The following TMEM161B variants were observed in gnomAD, a reference collection of about 807,000 sequenced individuals.
The protein encoded by TMEM161B is transmembrane protein 161B.
Under a neutral mutation model 61.8 loss-of-function variants are expected in TMEM161B, and 34 were observed. The observed-to-expected ratio is 0.55, with a 90% CI of 0.42 to 0.73. TMEM161B has a LOEUF of 0.73. Ranked by LOEUF, TMEM161B falls within the 30% of genes least tolerant of loss-of-function variation. The pLI is 0.00. For synonymous variants in TMEM161B, 167 were observed against 192.8 expected (o/e 0.87, Z 1.11); for missense variants, 456 against 558.5 (o/e 0.82, Z 1.85).
At chr5:88,215,276 C>A (rs1021814681) in intron 5 of TMEM161B, among the ~76,000 whole-genome samples, 4 of 152,112 alleles carry the variant, frequency 2.6e-5, no homozygotes, top group African/African-American at 9.7e-5. Context: ...TAAGTAGGCA[C>A]ATACAATAAG....
intron 1 of TMEM161B, among the ~76,000 whole-genome samples, chr5:88,245,031 C>A (rs1344710149): frequency 6.6e-6 from 1 of 151,702 alleles, no homozygotes; most frequent in Non-Finnish European, 1.5e-5. Context: ...GATTAAGGAG[C>A]TTTTGGGCAC....
At chr5:88,236,476 T>C (rs1002114348) in intron 2 of TMEM161B, among the ~76,000 whole-genome samples, 6 of 152,194 alleles carry the variant, frequency 3.9e-5, no homozygotes, top group African/African-American at 1.4e-4. Flanking sequence ...GGAACTTTTA[T>C]TACAATACAA....
chr5:88,235,437 G>A (rs1011530255), intron 2 of TMEM161B, among the ~76,000 whole-genome samples: 1 of 152,154 alleles, frequency 6.6e-6, no homozygotes, highest in Non-Finnish European at 1.5e-5. Context: ...CTAATCCCCA[G>A]TGTGATGGTA....
intron 10 of TMEM161B, chr5:88,198,401 T>TG (rs1413692377): frequency 6.6e-6 from 1 of 152,022 alleles, no homozygotes; most frequent in African/African-American, 2.4e-5. Flanking sequence ...AAGACAAGCC[T>TG]GGGCTACACA....
At chr5:88,225,554 A>G (rs1368677106) in intron 4 of TMEM161B, among the ~76,000 whole-genome samples, 1 of 152,220 alleles carries the variant, frequency 6.6e-6, no homozygotes, top group African/African-American at 2.4e-5. Flanking sequence ...TGTGTAATAA[A>G]TTTGTGTAAG....
rs578042663 is a variant in TMEM161B, at chr5:88,203,578, C to T, written c.801-503G>A. The stretch of plus-strand genomic sequence containing the variant: ...ATAGTGATTAGCCAGGTCCATATTA[C>T]TAGAAGGCATATGGCAGACGGAACC... On this transcript the variant is annotated intron_variant, in intron 8 of 11. Transcript: ENST00000296595. 4.5e-4 allele frequency among the ~76,000 whole-genome samples: 69 copies of T among 151,740 alleles called. 1 individual carries two copies. In the South Asian group the frequency reaches 9.4e-3, roughly 21 times the overall value.
At chr5:88,218,598 G>A (rs1175266852) in intron 5 of TMEM161B, among the ~76,000 whole-genome samples, 1 of 152,156 alleles carries the variant, frequency 6.6e-6, no homozygotes, top group Non-Finnish European at 1.5e-5. Context: ...GCCTGGGCAA[G>A]CTGGGGAGAC....
intron 1 of TMEM161B, among the ~76,000 whole-genome samples, chr5:88,265,220 C>G (rs890292985): frequency 6.6e-6 from 1 of 152,154 alleles, no homozygotes; most frequent in African/African-American, 2.4e-5. Context: ...AGCTTGAAAA[C>G]TAGTATATTA....
chr5:88,234,607 C>A (rs971320216), intron 2 of TMEM161B, among the ~76,000 whole-genome samples: 2 of 152,128 alleles, frequency 1.3e-5, no homozygotes, highest in Non-Finnish European at 2.9e-5. Context: ...AATAAAATGA[C>A]GGCCTGCTTG....
chr5:88,185,881 T>C (rs1468931098), downstream of TMEM161B, among the ~76,000 whole-genome samples: 2 of 152,204 alleles, frequency 1.3e-5, no homozygotes, highest in Non-Finnish European at 2.9e-5. Context: ...AATGTTTGTA[T>C]TGCTTTACAA....
chr5:88,216,268 A>G lies in TMEM161B; in HGVS notation c.446+4295T>C, dbSNP rs145242235. ...CTCTGGGGAAAAAAAAGAAAAGGCA[A>G]TATTTTGGAGAACATGATAACTCAC... On this transcript the variant is annotated intron_variant, in intron 5 of 11. Transcript: ENST00000296595. Among the ~76,000 whole-genome samples, 87 of 152,296 alleles carry G rather than the reference A, an allele frequency of 5.7e-4. No individual in the cohort carries two copies. In the East Asian group the frequency reaches 0.014, roughly 25 times the overall value.
At chr5:88,191,840 C>T (rs1345199574), downstream of TMEM161B, among the ~76,000 whole-genome samples, 1 of 149,192 alleles carries the variant, frequency 6.7e-6, no homozygotes, top group African/African-American at 2.5e-5. Flanking sequence ...GCCTGTAGTC[C>T]CAGTTACTCA....
chr5:88,213,849 C>T (rs1203007541), intron 5 of TMEM161B, among the ~76,000 whole-genome samples: 24 of 152,240 alleles, frequency 1.6e-4, no homozygotes. Context: ...AAACAAGTAC[C>T]TTGGCTCAGA....
At chr5:88,188,723 T>C (rs144706529), downstream of TMEM161B, among the ~76,000 whole-genome samples, 2,920 of 152,326 alleles carry the variant, frequency 0.019, 20 homozygotes, top group Middle Eastern at 0.058. Context: ...TCTTAAGAGC[T>C]GAGCTCCCCG....
chr5:88,216,461 T>C (rs938112680), intron 5 of TMEM161B, among the ~76,000 whole-genome samples: 19 of 152,274 alleles, frequency 1.2e-4, no homozygotes, highest in Admixed American at 5.9e-4. Context: ...GAATATTTTA[T>C]GTGCTTGAAT....
intron 9 of TMEM161B, chr5:88,201,478 G>T (rs1221323400): frequency 6.6e-6 from 1 of 151,790 alleles, no homozygotes; most frequent in East Asian, 1.9e-4. Flanking sequence ...AGCAACAAAT[G>T]GACAATTACC....
intron 1 of TMEM161B, among the ~76,000 whole-genome samples, chr5:88,266,196 T>G (rs921814910): frequency 2.4e-4 from 37 of 152,204 alleles, no homozygotes; most frequent in African/African-American, 8.2e-4. Flanking sequence ...ACATAATGTA[T>G]GAGAGAATGA....
downstream of TMEM161B, among the ~76,000 whole-genome samples, chr5:88,187,712 A>G (rs758778168): frequency 6.6e-6 from 1 of 152,016 alleles, no homozygotes; most frequent in Non-Finnish European, 1.5e-5. Flanking sequence ...TTTCTCCTTG[A>G]ACCAATTTTG....
In TMEM161B at chr5:88,268,842, C is replaced by A. The variant is rs552105353; in HGVS notation, c.-119G>T. On this transcript the variant is annotated 5_prime_UTR_variant, in exon 1 of 12. Coordinates refer to ENST00000296595, the MANE Select transcript of TMEM161B (RefSeq NM_153354.5). ...AACAGCGAAAGAGAGGGTCTTCCGG[C>A]TCTGCCGGAAGTTGTGCGCGCGCGG... 160 of 1,558,526 alleles carry A rather than the reference C, an allele frequency of 1.0e-4. No homozygotes were observed. Among genetic ancestry groups the A allele is most frequent in the Non-Finnish European group, 1.4e-4 (156 of 1,143,374 alleles).
Sources: allele counts gnomAD v4.1 joint callset (sites outside exome capture counted in the v4.1 genomes callset), GRCh38; gene constraint gnomAD v4.1.1; transcripts MANE v1.5; gene names NCBI Gene and HGNC (gene_info 2026-07-23, HGNC 2026-07-21).